Variants in UNC5C observed in about 807,000 individuals in gnomAD.
UNC5C encodes the protein unc-5 netrin receptor C.
A neutral mutation model predicts 99.8 loss-of-function variants in UNC5C; 47 were observed. The observed-to-expected ratio is 0.47, with a 90% CI of 0.37 to 0.60. UNC5C has a LOEUF of 0.60. UNC5C is among the 20% of genes least tolerant of loss of function. The probability of loss-of-function intolerance (pLI) is 0.00; values close to 1 mark genes in which losing one functional copy is unlikely to be tolerated. For missense variants in UNC5C, 1,062 were observed against 1,165.9 expected (o/e 0.91, Z 1.30); for synonymous variants, 487 against 452.2 (o/e 1.08, Z -0.98).
chr4:95,191,947 T>TCCC, intron 12 of UNC5C, among the ~76,000 whole-genome samples: 1 of 117,494 alleles, frequency 8.5e-6, no homozygotes, highest in East Asian at 3.2e-4. Context: ...GCTCACCTCT[T>TCCC]CTGCTCACCT....
chr4:95,538,180 A>G (rs1722827591), intron 1 of UNC5C, among the ~76,000 whole-genome samples: 1 of 152,174 alleles, frequency 6.6e-6, no homozygotes, highest in African/African-American at 2.4e-5. Flanking sequence ...GTTTTAGGGA[A>G]AAAAATTATA....
intron 1 of UNC5C, among the ~76,000 whole-genome samples, chr4:95,418,117 G>A (rs1028097037): frequency 1.3e-5 from 2 of 152,210 alleles, no homozygotes; most frequent in Non-Finnish European, 2.9e-5. Context: ...TTTAGAATGG[G>A]TTGCTTCTTC....
At chr4:95,488,171 A>G (rs984723516) in intron 1 of UNC5C, among the ~76,000 whole-genome samples, 2 of 151,786 alleles carry the variant, frequency 1.3e-5, no homozygotes, top group African/African-American at 2.4e-5. Flanking sequence ...ATAACCATTG[A>G]GTCAATAGCA....
chr4:95,241,013 A>T (rs1739311590), intron 7 of UNC5C, among the ~76,000 whole-genome samples: 1 of 152,266 alleles, frequency 6.6e-6, no homozygotes, highest in South Asian at 2.1e-4. Context: ...CGTGAAAGGC[A>T]GAAAGATAGA....
At chr4:95,328,903 G>T (rs1007911960) in intron 2 of UNC5C, among the ~76,000 whole-genome samples, 25 of 152,098 alleles carry the variant, frequency 1.6e-4, no homozygotes, top group Non-Finnish European at 3.4e-4. Context: ...GAGCCCAAAG[G>T]CACTCGCCCC....
intron 12 of UNC5C, among the ~76,000 whole-genome samples, chr4:95,195,887 G>A (rs1737359659): frequency 1.3e-5 from 2 of 149,516 alleles, no homozygotes; most frequent in Non-Finnish European, 3.0e-5. Context: ...TCTTCTCCAT[G>A]CCCAATGAGT....
intron 1 of UNC5C, among the ~76,000 whole-genome samples, chr4:95,386,176 A>T (rs1745205981): frequency 6.6e-6 from 1 of 151,836 alleles, no homozygotes; most frequent in African/African-American, 2.4e-5. Flanking sequence ...CCACTGTATT[A>T]TTACAACCAA....
At chr4:95,330,586 T>C (rs1170119872) in intron 2 of UNC5C, among the ~76,000 whole-genome samples, 1 of 152,126 alleles carries the variant, frequency 6.6e-6, no homozygotes, top group East Asian at 1.9e-4. Flanking sequence ...AAATTTTTTA[T>C]CACCTATTTT....
intron 1 of UNC5C, among the ~76,000 whole-genome samples, chr4:95,441,918 T>C (rs2149463787): frequency 6.6e-6 from 1 of 152,292 alleles, no homozygotes; most frequent in East Asian, 1.9e-4. Context: ...AGTAAACTAG[T>C]AAGATTAACA....
chr4:95,460,181 G>A (rs1747557464), intron 1 of UNC5C, among the ~76,000 whole-genome samples: 1 of 146,352 alleles, frequency 6.8e-6, no homozygotes, highest in Non-Finnish European at 1.5e-5. Flanking sequence ...TTGGTGGATG[G>A]AACTGTCCAT....
intron 4 of UNC5C, among the ~76,000 whole-genome samples, chr4:95,274,040 C>A (rs1579287250): frequency 6.6e-6 from 1 of 152,158 alleles, no homozygotes; most frequent in African/African-American, 2.4e-5. Flanking sequence ...GACTTATAAC[C>A]TGCTGGCATT....
chr4:95,271,271 A>G lies in UNC5C; in HGVS notation c.594+6988T>C, dbSNP rs1579285407. Among the ~76,000 whole-genome samples the G allele has an allele frequency of 2.0e-5, 3 of 151,072 alleles. No homozygotes were observed. In the South Asian group the frequency reaches 6.3e-4, roughly 32 times the overall value. Reference sequence around the variant, plus strand: ...GAGACGGAGTCTCGCTCTGTCGCCCAGGCTGGAGTGCAGTGGCGCGATCTC... The same window carrying G: ...GAGACGGAGTCTCGCTCTGTCGCCCGGGCTGGAGTGCAGTGGCGCGATCTC... On this transcript the variant is annotated intron_variant, in intron 4 of 15. Transcript: ENST00000453304.
chr4:95,261,838 A>G (rs1057267191), intron 4 of UNC5C, among the ~76,000 whole-genome samples: 7 of 151,804 alleles, frequency 4.6e-5, no homozygotes, highest in African/African-American at 1.7e-4. Flanking sequence ...TGAGTAGCTG[A>G]GACTACAGGG....
At chr4:95,538,774 A>G (rs958039509) in intron 1 of UNC5C, among the ~76,000 whole-genome samples, 2 of 152,222 alleles carry the variant, frequency 1.3e-5, no homozygotes, top group African/African-American at 4.8e-5. Flanking sequence ...GTAAATATTC[A>G]TATGTTAACC....
chr4:95,275,726 G>T (rs1323422229), intron 4 of UNC5C, among the ~76,000 whole-genome samples: 1 of 152,296 alleles, frequency 6.6e-6, no homozygotes, highest in Admixed American at 6.5e-5. Flanking sequence ...AGGAATTACT[G>T]CTTCCTGACA....
chr4:95,256,986 G>T (rs937632831), intron 4 of UNC5C, among the ~76,000 whole-genome samples: 1 of 151,926 alleles, frequency 6.6e-6, no homozygotes, highest in African/African-American at 2.4e-5. Flanking sequence ...TAGATAGATG[G>T]TGCTCACCCA....
intron 1 of UNC5C, among the ~76,000 whole-genome samples, chr4:95,409,767 T>C (rs1745928568): frequency 6.6e-6 from 1 of 152,182 alleles, no homozygotes; most frequent in Admixed American, 6.5e-5. Context: ...CTCCTCTTCA[T>C]TGCATTCACA....
chr4:95,237,948 A>T (rs1340597022), intron 7 of UNC5C, among the ~76,000 whole-genome samples: 1 of 152,144 alleles, frequency 6.6e-6, no homozygotes, highest in Non-Finnish European at 1.5e-5. Context: ...AGGCTGAGGC[A>T]GGAGAATCAC....
chr4:95,465,027 C>T (rs1030762731), intron 1 of UNC5C, among the ~76,000 whole-genome samples: 2 of 152,118 alleles, frequency 1.3e-5, no homozygotes, highest in South Asian at 2.1e-4. Flanking sequence ...CCAGGCTGAA[C>T]GTGTGTCCCC....
Sources: allele counts gnomAD v4.1 joint callset (sites outside exome capture counted in the v4.1 genomes callset), GRCh38; gene constraint gnomAD v4.1.1; transcripts MANE v1.5; gene names NCBI Gene and HGNC (gene_info 2026-07-23, HGNC 2026-07-21).